The following TMEM132C variants were observed in gnomAD, a reference collection of about 807,000 sequenced individuals.
TMEM132C encodes the protein protein phosphatase 1, regulatory subunit 152.
A neutral mutation model predicts 61.4 loss-of-function variants in TMEM132C; 29 were observed. That is an observed-to-expected ratio of 0.47 (90% confidence interval 0.35 to 0.64). TMEM132C has a LOEUF of 0.64. Among genes scored for constraint, TMEM132C ranks in the 30% least tolerant of loss-of-function variants. The pLI, the probability that TMEM132C is intolerant of heterozygous loss-of-function variation, is 0.00. For missense variants in TMEM132C, 1,408 were observed against 1,476.9 expected (o/e 0.95, Z 0.76); for synonymous variants, 656 against 633.1 (o/e 1.04, Z -0.54).
At chr12:128,506,938 C>G (rs1320720968) in intron 2 of TMEM132C, among the ~76,000 whole-genome samples, 1 of 152,152 alleles carries the variant, frequency 6.6e-6, no homozygotes, top group Non-Finnish European at 1.5e-5. Flanking sequence ...AAGGCACCCT[C>G]TTTCTTCAGC....
At chr12:128,611,347 C>T (rs549342302) in intron 3 of TMEM132C, among the ~76,000 whole-genome samples, 106 of 152,224 alleles carry the variant, frequency 7.0e-4, no homozygotes, top group African/African-American at 2.1e-3. Context: ...CTCTCTTCTT[C>T]ATTTCATTTA....
intron 2 of TMEM132C, among the ~76,000 whole-genome samples, chr12:128,418,253 G>A (rs574615808): frequency 6.6e-6 from 1 of 152,298 alleles, no homozygotes; most frequent in Admixed American, 6.5e-5. Context: ...GGAATTCAAC[G>A]AATAGGGAAC....
At chr12:128,534,654 C>T (rs1219740296) in intron 2 of TMEM132C, among the ~76,000 whole-genome samples, 5 of 152,230 alleles carry the variant, frequency 3.3e-5, no homozygotes, top group Non-Finnish European at 7.3e-5. Flanking sequence ...CCGCCCACTT[C>T]CACTGTTTTT....
At chr12:128,612,640 G>A (rs750284933) in intron 3 of TMEM132C, among the ~76,000 whole-genome samples, 1 of 152,174 alleles carries the variant, frequency 6.6e-6, no homozygotes, top group Non-Finnish European at 1.5e-5. Flanking sequence ...ATTGGGATTT[G>A]GAATAAGGTC....
intron 2 of TMEM132C, among the ~76,000 whole-genome samples, chr12:128,468,058 A>G (rs530745396): frequency 1.3e-5 from 2 of 152,300 alleles, no homozygotes; most frequent in African/African-American, 2.4e-5. Context: ...GAGGGCAGAG[A>G]GGTATCTGGT....
At chr12:128,315,060 G>A (rs906881203) in intron 1 of TMEM132C, among the ~76,000 whole-genome samples, 1 of 152,182 alleles carries the variant, frequency 6.6e-6, no homozygotes, top group South Asian at 2.1e-4. Context: ...AGGTTGCGAT[G>A]GGAAGTCTAT....
intron 1 of TMEM132C, among the ~76,000 whole-genome samples, chr12:128,309,916 A>G (rs1871913661): frequency 6.6e-6 from 1 of 151,886 alleles, no homozygotes; most frequent in Non-Finnish European, 1.5e-5. Context: ...TTGTATTTTT[A>G]GTAGAGACGG....
At chr12:128,394,107 C>T (rs954119911) in intron 1 of TMEM132C, among the ~76,000 whole-genome samples, 3 of 152,114 alleles carry the variant, frequency 2.0e-5, no homozygotes, top group Admixed American at 6.5e-5. Context: ...AGGTGAAAGG[C>T]GTGTCTTACA....
intron 1 of TMEM132C, among the ~76,000 whole-genome samples, chr12:128,411,938 A>C (rs1031137482): frequency 1.3e-5 from 2 of 152,212 alleles, no homozygotes; most frequent in Admixed American, 1.3e-4. Flanking sequence ...CCGGGTTCAC[A>C]ATATGTTTCT....
intron 2 of TMEM132C, among the ~76,000 whole-genome samples, chr12:128,488,053 G>C (rs367735943): frequency 6.6e-6 from 1 of 152,212 alleles, no homozygotes; most frequent in South Asian, 2.1e-4. Flanking sequence ...GGAAAGAGCA[G>C]AGTTCTAATT....
intron 3 of TMEM132C, among the ~76,000 whole-genome samples, chr12:128,585,927 G>A (rs1025788290): frequency 3.9e-5 from 6 of 152,176 alleles, no homozygotes; most frequent in Admixed American, 1.3e-4. Flanking sequence ...TGGGGACAGA[G>A]GTTTAGTTTT....
chr12:128,294,517 T>C (rs1871342091), intron 1 of TMEM132C, among the ~76,000 whole-genome samples: 1 of 152,172 alleles, frequency 6.6e-6, no homozygotes, highest in African/African-American at 2.4e-5. Context: ...TATTTTATGA[T>C]TGGCACCTGT....
chr12:128,647,062 GT>G (rs1321224556), intron 4 of TMEM132C, among the ~76,000 whole-genome samples: 1 of 150,118 alleles, frequency 6.7e-6, no homozygotes, highest in Admixed American at 6.6e-5. Context: ...GTGCATCAGC[GT>G]TGGATGTGAG....
At chr12:128,665,201 A>T (rs1465527942) in intron 4 of TMEM132C, among the ~76,000 whole-genome samples, 2 of 150,600 alleles carry the variant, frequency 1.3e-5, no homozygotes, top group African/African-American at 2.4e-5. Context: ...ACATGCACCC[A>T]TATGTAAACA....
intron 2 of TMEM132C, among the ~76,000 whole-genome samples, chr12:128,469,722 G>A (rs192538309): frequency 1.3e-5 from 2 of 150,920 alleles, no homozygotes; most frequent in African/African-American, 4.9e-5. Flanking sequence ...ATGTGTGTGT[G>A]TATATATATA....
intron 2 of TMEM132C, among the ~76,000 whole-genome samples, chr12:128,424,046 C>CAAAAAAAAAAAAAAAAAA (rs144980387): frequency 1.4e-5 from 1 of 72,782 alleles, no homozygotes. Flanking sequence ...GACTCTGTCT[C>CAAAAAAAAAAAAAAAAAA]AAAAAAAAAA....
intron 3 of TMEM132C, among the ~76,000 whole-genome samples, chr12:128,586,291 CA>C (rs1254238628): frequency 6.6e-6 from 1 of 151,538 alleles, no homozygotes; most frequent in Non-Finnish European, 1.5e-5. Context: ...TGACCATAGC[CA>C]AACATACTTT....
At chr12:128,383,159 C>T (rs185881600) in intron 1 of TMEM132C, among the ~76,000 whole-genome samples, 17 of 151,946 alleles carry the variant, frequency 1.1e-4, no homozygotes, top group Non-Finnish European at 2.2e-4. Context: ...TGTGTGTGCA[C>T]CTGTGCATGT....
At chr12:128,504,065 G>A (rs1348699944) in intron 2 of TMEM132C, among the ~76,000 whole-genome samples, 3 of 152,130 alleles carry the variant, frequency 2.0e-5, no homozygotes, top group South Asian at 4.2e-4. Context: ...TCCCTCTCAC[G>A]TCATCTCAGG....
Sources: gnomAD v4.1 joint callset for allele counts (sites outside exome capture counted in the v4.1 genomes callset) on GRCh38, gnomAD v4.1.1 for gene constraint, MANE v1.5 for transcripts, NCBI Gene and HGNC (gene_info 2026-07-23, HGNC 2026-07-21) for gene names.